The following OGDH variants were observed in gnomAD, a reference collection of about 807,000 sequenced individuals.
OGDH encodes 2-oxoglutarate dehydrogenase complex component E1.
A neutral mutation model predicts 116.6 loss-of-function variants in OGDH; 38 were observed. The ratio of observed to expected loss-of-function variants is 0.33; its 90% CI spans 0.25 to 0.43. The LOEUF (loss-of-function observed/expected upper bound fraction) is 0.43, where lower values mean the gene tolerates loss of function less well. Among genes scored for constraint, OGDH ranks in the 20% least tolerant of loss-of-function variants. OGDH has a pLI of 1.00. For synonymous variants in OGDH, 488 were observed against 533.3 expected (o/e 0.92, Z 1.17); for missense variants, 825 against 1,357.2 (o/e 0.61, Z 6.16).
intron 9 of OGDH, chr7:44,676,504 G>A (rs1036232090): frequency 2.8e-5 from 9 of 323,130 alleles, no homozygotes; most frequent in East Asian, 6.9e-5. Flanking sequence ...GCAGTGAGCC[G>A]AGATTACGCC....
At chr7:44,706,866 C>A (rs1239696050) in intron 20 of OGDH, among the ~76,000 whole-genome samples, 1 of 152,018 alleles carries the variant, frequency 6.6e-6, no homozygotes, top group Admixed American at 6.6e-5. Flanking sequence ...TCAGGCAATC[C>A]GCCCGCCTCA....
chr7:44,630,750 C>T (rs1785403586), intron 2 of OGDH, among the ~76,000 whole-genome samples: 1 of 152,198 alleles, frequency 6.6e-6, no homozygotes, highest in Non-Finnish European at 1.5e-5. Flanking sequence ...TGTTATACTT[C>T]ATTGTTTGTG....
At chr7:44,696,303 C>G (rs1454762472) in intron 13 of OGDH, 126 bp from the exon 14 acceptor site, 1 of 1,273,742 alleles carries the variant, frequency 7.9e-7, no homozygotes, top group East Asian at 2.4e-5. Context: ...TTAATGTTTT[C>G]TGGGGAACAC....
intron 2 of OGDH, among the ~76,000 whole-genome samples, chr7:44,627,801 C>T (rs1242615254): frequency 1.3e-5 from 2 of 152,084 alleles, no homozygotes; most frequent in South Asian, 2.1e-4. Flanking sequence ...CTCAGCCTCC[C>T]GAGTAGCCAG....
At chr7:44,673,987 C>T (rs1334509964) in intron 6 of OGDH, 46 bp downstream of exon 6, 1 of 1,610,040 alleles carries the variant, frequency 6.2e-7, no homozygotes, top group Non-Finnish European at 8.5e-7. Context: ...CCCAGGGAAG[C>T]AGTGACCCTG....
intron 4 of OGDH, among the ~76,000 whole-genome samples, chr7:44,665,384 CAAAA>C (rs971518170): frequency 1.4e-5 from 2 of 145,160 alleles, no homozygotes; most frequent in Admixed American, 1.4e-4. Flanking sequence ...AAAAACAAAA[CAAAA>C]CAAACAAAAA....
chr7:44,683,283 G>A (rs1284361147), intron 10 of OGDH, among the ~76,000 whole-genome samples: 2 of 152,256 alleles, frequency 1.3e-5, no homozygotes, highest in African/African-American at 4.8e-5. Flanking sequence ...ACGCTGGAGT[G>A]TAGGGGCATG....
At chr7:44,703,957 G>A (rs901288975) in intron 20 of OGDH, among the ~76,000 whole-genome samples, 1 of 151,914 alleles carries the variant, frequency 6.6e-6, no homozygotes, top group African/African-American at 2.4e-5. Context: ...TTCATCTGTC[G>A]ATGGACACTT....
chr7:44,660,398 T>C (rs987663289), intron 4 of OGDH, among the ~76,000 whole-genome samples: 1 of 152,224 alleles, frequency 6.6e-6, no homozygotes, highest in Admixed American at 6.5e-5. Context: ...TTGGATTATT[T>C]AGAAGGGTGT....
intron 9 of OGDH, 152 bp from the exon 10 acceptor site, chr7:44,681,568 T>C (rs573318323): frequency 1.0e-6 from 1 of 956,602 alleles, no homozygotes; most frequent in African/African-American, 1.6e-5. Context: ...TGTTGGGGAT[T>C]TGGGGCCCTG....
intron 4 of OGDH, among the ~76,000 whole-genome samples, chr7:44,658,547 G>A (rs532740464): frequency 6.7e-6 from 1 of 148,624 alleles, no homozygotes; most frequent in East Asian, 2.0e-4. Flanking sequence ...CAATCTGTGT[G>A]CCTTTTATTT....
chr7:44,646,081 A>G (rs2115790538), intron 3 of OGDH, among the ~76,000 whole-genome samples: 1 of 152,300 alleles, frequency 6.6e-6, no homozygotes, highest in African/African-American at 2.4e-5. Flanking sequence ...GTTGAGCAGG[A>G]CAAGGTTTTT....
intron 5 of OGDH, among the ~76,000 whole-genome samples, chr7:44,670,834 C>T (rs1787405674): frequency 6.6e-6 from 1 of 151,816 alleles, no homozygotes; most frequent in African/African-American, 2.4e-5. Flanking sequence ...CACAGTGAAA[C>T]CCCGTCTCTA....
At chr7:44,660,290 A>C (rs1485816079) in intron 4 of OGDH, among the ~76,000 whole-genome samples, 4 of 151,928 alleles carry the variant, frequency 2.6e-5, no homozygotes, top group African/African-American at 9.7e-5. Context: ...ATGCCTGGCT[A>C]TTTTTAAAAT....
In OGDH at chr7:44,680,167, G is replaced by A. The variant is rs557644308; in HGVS notation, c.1207-1553G>A. The stretch of plus-strand genomic sequence containing the variant: ...GCAGAGGTTGCAGTGAGCTGAGATC[G>A]TGCCACTGCACTCCAGCCTGGGTGA... On this transcript the variant is annotated intron_variant, in intron 9 of 22. Coordinates refer to ENST00000222673, the MANE Select transcript of OGDH (RefSeq NM_002541.4). Among the ~76,000 whole-genome samples the A allele has an allele frequency of 2.5e-3, 373 of 152,108 alleles. 3 individuals carry two copies. Among genetic ancestry groups the A allele is most frequent in the Middle Eastern group, 0.014 (4 of 294 alleles).
chr7:44,687,164 C>T (rs1204140866), intron 10 of OGDH, among the ~76,000 whole-genome samples: 3 of 128,032 alleles, frequency 2.3e-5, no homozygotes, highest in Admixed American at 1.9e-4. Context: ...GTGGAGTGAT[C>T]TTGGCTCACT....
At chr7:44,645,020 G>A (rs1004902830) in intron 2 of OGDH, among the ~76,000 whole-genome samples, 2 of 152,214 alleles carry the variant, frequency 1.3e-5, no homozygotes, top group Non-Finnish European at 2.9e-5. Context: ...AGGAACTGAG[G>A]AGAGCTGTTG....
At chr7:44,647,540 A>G (rs1209946525) in intron 3 of OGDH, 117 bp from the exon 4 acceptor site, 12 of 1,547,300 alleles carry the variant, frequency 7.8e-6, no homozygotes, top group Non-Finnish European at 1.0e-5. Flanking sequence ...CGTGGGTGAG[A>G]ATTAAGCTGT....
chr7:44,657,310 A>G (rs1295208910), intron 4 of OGDH, among the ~76,000 whole-genome samples: 4 of 152,174 alleles, frequency 2.6e-5, no homozygotes, highest in African/African-American at 7.2e-5. Context: ...CATTTCTGAA[A>G]TTGTCATTTC....
Sources: allele counts gnomAD v4.1 joint callset (sites outside exome capture counted in the v4.1 genomes callset), GRCh38; gene constraint gnomAD v4.1.1; transcripts MANE v1.5; gene names NCBI Gene and HGNC (gene_info 2026-07-23, HGNC 2026-07-21).